FHIP2B: variants seen among roughly 807,000 people sequenced by gnomAD.
The protein encoded by FHIP2B is FHF complex subunit HOOK-interacting protein 2B.
In FHIP2B, 72 loss-of-function variants were observed where a neutral mutation model predicts 84.0. The ratio of observed to expected loss-of-function variants is 0.86; its 90% CI spans 0.71 to 1.04. The LOEUF (loss-of-function observed/expected upper bound fraction) is 1.04. Among genes scored for constraint, FHIP2B ranks in the 50% least tolerant of loss-of-function variants. The probability of loss-of-function intolerance (pLI) is 0.00; values close to 1 mark genes in which losing one functional copy is unlikely to be tolerated. For missense variants in FHIP2B, 972 were observed against 968.9 expected (o/e 1.00, Z -0.04); for synonymous variants, 497 against 418.7 (o/e 1.19, Z -2.28).
intron 1 of FHIP2B, among the ~76,000 whole-genome samples, chr8:22,091,240 C>CTTTTTTTTT (rs71204535): frequency 8.5e-6 from 1 of 117,710 alleles, no homozygotes; most frequent in African/African-American, 3.1e-5. Context: ...ATCATTACAG[C>CTTTTTTTTT]TTTTTTTTTT....
rs1211266140 is a variant in FHIP2B, at chr8:22,102,289, AG to A, written c.1968del (p.Ser657AlafsTer7). 1 of 1,612,528 alleles carries A rather than the reference AG, an allele frequency of 6.2e-7. No homozygotes were observed. Among genetic ancestry groups the A allele is most frequent in the Non-Finnish European group, 8.5e-7 (1 of 1,179,790 alleles). On this transcript the variant is annotated frameshift_variant, in exon 15 of 17. Coordinates refer to ENST00000289921, the MANE Select transcript of FHIP2B (RefSeq NM_022749.7). LOFTEE classifies it high-confidence loss of function. The stretch of plus-strand genomic sequence containing the variant: ...GTACATCAGCCTGGCCCCCGGCTGC[AG>A]GAGCCTATTCTCCGTGTTGGTGAGG... The part of the protein sequence containing the change: ...DPYISLAPGC[R>X]SLFSVLVRVI...
chr8:22,101,934 C>A, intron 14 of FHIP2B, 83 bp downstream of exon 14: 2 of 1,542,952 alleles, frequency 1.3e-6, no homozygotes, highest in South Asian at 2.4e-5. Context: ...ACAGGGTTGC[C>A]TCTGCTTCGG....
At chr8:22,091,020 C>T (rs1049275721) in intron 1 of FHIP2B, among the ~76,000 whole-genome samples, 1 of 152,028 alleles carries the variant, frequency 6.6e-6, no homozygotes, top group African/African-American at 2.4e-5. Flanking sequence ...TCTTCCGGGC[C>T]CTTTAGTATT....
intron 14 of FHIP2B, 156 bp downstream of exon 14, chr8:22,102,007 C>G: frequency 1.3e-6 from 2 of 1,507,684 alleles, no homozygotes; most frequent in Non-Finnish European, 1.8e-6. Flanking sequence ...CTGCTCCACA[C>G]GTCCTAACAC....
rs778894231 is a variant in FHIP2B at position 22,098,277 on chromosome 8, G to T, written c.735G>T (p.Leu245=). 4 of 1,519,542 alleles carry T rather than the reference G, an allele frequency of 2.6e-6. No individual in the cohort carries two copies. In the African/African-American group the frequency reaches 5.6e-5, roughly 21 times the overall value. The allele number at this position is 1,519,542 out of a possible 1,614,324, so 94.1% of individuals were successfully genotyped here. ...ACGGTGGGACCACAGAGAGCAACCT[G>T]ATTACCTCCCTGCTTGGGCTGTGCC... is the stretch of plus-strand genomic sequence containing the variant. ...ELDGGTTESN[L]ITSLLGLCQS... The change falls in exon 6 of 17, where the codon CTG becomes CTT. Residue 245 remains leucine (L), a synonymous_variant. Transcript: ENST00000289921.
intron 8 of FHIP2B, 27 bp downstream of exon 8, chr8:22,099,083 C>A: frequency 6.5e-7 from 1 of 1,546,074 alleles, no homozygotes; most frequent in Admixed American, 1.9e-5. Context: ...GGAGGCCGGG[C>A]TCTCATGCTG....
In FHIP2B at chr8:22,097,421, G is replaced by A. The variant is rs543623193; in HGVS notation, c.298-95G>A. Reference sequence around the variant, plus strand: ...AGGCATGCGGCAGGCAGGGGACACGGCTCTGACAGGCGCTCTGTCCCTGGC... The same window carrying A: ...AGGCATGCGGCAGGCAGGGGACACGACTCTGACAGGCGCTCTGTCCCTGGC... On this transcript the variant is annotated intron_variant, in intron 3 of 16. Coordinates refer to ENST00000289921, the MANE Select transcript of FHIP2B (RefSeq NM_022749.7). The A allele has an allele frequency of 1.3e-4, 112 of 870,402 alleles. 2 individuals are homozygous for A. In the South Asian group the frequency reaches 1.7e-3, roughly 13 times the overall value. The allele number at this position is 870,402 out of a possible 1,614,324, so 53.9% of individuals were successfully genotyped here.
chr8:22,094,594 A>G (rs765700543), intron 2 of FHIP2B, 76 bp downstream of exon 2: 6 of 1,592,840 alleles, frequency 3.8e-6, no homozygotes, highest in Middle Eastern at 1.7e-4. Context: ...GTCACCATTC[A>G]GGTGTCCTGG....
intron 5 of FHIP2B, 73 bp from the exon 6 acceptor site, chr8:22,097,995 A>G (rs1825874859): frequency 6.6e-7 from 1 of 1,526,570 alleles, no homozygotes; most frequent in Admixed American, 2.0e-5. Context: ...CTGGCAGCCC[A>G]CCCTGCGGTC....
At chr8:22,094,985 A>G in intron 2 of FHIP2B, 8 of 769,820 alleles carry the variant, frequency 1.0e-5, no homozygotes, top group Non-Finnish European at 1.3e-5. Context: ...GGTGGGTAAC[A>G]TGCCTGGGTC....
chr8:22,098,025 AGTG>A, intron 5 of FHIP2B, 40 bp from the exon 6 acceptor site: 1 of 1,546,902 alleles, frequency 6.5e-7, no homozygotes, highest in Non-Finnish European at 8.7e-7. Flanking sequence ...GACCCTGGGA[AGTG>A]GTCCCCACCA....
At chr8:22,102,141 C>T in intron 14 of FHIP2B, 34 bp from the exon 15 acceptor site, 7 of 1,612,982 alleles carry the variant, frequency 4.3e-6, no homozygotes, top group Non-Finnish European at 5.9e-6. Context: ...ACCAGCCCTG[C>T]CAGCCCTCGG....
At position 22,097,996 on chromosome 8, in the gene FHIP2B, C is replaced by T. The variant is rs1008417774; in HGVS notation, c.526-72C>T. 6.5e-6 allele frequency: 10 copies of T among 1,526,926 alleles called. No homozygotes were observed. The South Asian group carries it at 1.2e-4, about 18-fold the overall frequency. The allele number at this position is 1,526,926 out of a possible 1,614,324, so 94.6% of individuals were successfully genotyped here. ...AGGCCGACGCCCTGCTGGCAGCCCA[C>T]CCTGCGGTCCCAGTGGGGGACCCTG... is the stretch of plus-strand genomic sequence containing the variant. On this transcript the variant is annotated intron_variant, in intron 5 of 16. Coordinates refer to ENST00000289921, the MANE Select transcript of FHIP2B (RefSeq NM_022749.7).
chr8:22,094,474 T>TGGAGCACTGGAA lies in FHIP2B; in HGVS notation c.83_94dup (p.Glu28_Lys31dup), dbSNP rs1825659651. 1 of 1,611,494 alleles carries TGGAGCACTGGAA rather than the reference T, an allele frequency of 6.2e-7. No homozygotes were observed. The highest frequency in any genetic ancestry group is 8.5e-7 in the Non-Finnish European group (1 of 1,178,980). The stretch of plus-strand genomic sequence containing the variant: ...AGCATTGACCTGCTGCAGGCCTTCG[T>TGGAGCACTGGAA]GGAGCACTGGAAGGGCATCACGCAC... On this transcript the variant is annotated inframe_insertion, in exon 2 of 17. Transcript: ENST00000289921.
rs769014264 is a variant in FHIP2B at position 22,098,318 on chromosome 8, C to T, written c.768+8C>T. ...GGGCTGTGCCAGAGCAAGGTGCTGG[C>T]AGCAGAGATGGAGAGGTTGGGGGTG... On this transcript the variant is annotated splice_region_variant and intron_variant, in intron 6 of 16. Coordinates refer to ENST00000289921, the MANE Select transcript of FHIP2B (RefSeq NM_022749.7). 3 of 1,507,364 alleles carry T rather than the reference C, an allele frequency of 2.0e-6. No individual in the cohort carries two copies. The Admixed American group carries it at 6.4e-5, about 32-fold the overall frequency. The allele number at this position is 1,507,364 out of a possible 1,614,324, so 93.4% of individuals were successfully genotyped here.
intron 12 of FHIP2B, 167 bp downstream of exon 12, chr8:22,101,139 C>T: frequency 2.3e-6 from 2 of 855,138 alleles, no homozygotes; most frequent in South Asian, 1.8e-5. Context: ...TCCTGTGCCT[C>T]AGCCTCCCGA....
chr8:22,102,576 G>A lies in FHIP2B; in HGVS notation c.2041G>A (p.Gly681Ser), dbSNP rs3177202. The stretch of plus-strand genomic sequence containing the variant: ...AATCCAGAGGGTACCCCAGTTCCCA[G>A]GCAAGCTGCTCCTGGTGCGCAAGCA... ...QRIQRVPQFP[G>S]KLLLVRKQLT... The change falls in exon 16 of 17, where the codon GGC (glycine) becomes AGC (serine). Residue 681 changes from glycine to serine, a missense_variant. Gly to Ser is a moderately conservative substitution (Grantham distance 56). Transcript: ENST00000289921. 6.4e-7 allele frequency: 1 copy of A among 1,564,728 alleles called. No homozygotes were observed. Among genetic ancestry groups the A allele is most frequent in the South Asian group, 1.2e-5 (1 of 84,964 alleles).
Position 22,100,585 on chromosome 8 carries a change from C to G in FHIP2B, c.1342-9C>G. 1 of 1,530,394 alleles carries G rather than the reference C, an allele frequency of 6.5e-7. No homozygotes were observed. 94.8% of individuals were successfully genotyped at this position (1,530,394 alleles called of 1,614,324 possible). On this transcript the variant is annotated splice_polypyrimidine_tract_variant and intron_variant, in intron 10 of 16. Coordinates refer to ENST00000289921, the MANE Select transcript of FHIP2B (RefSeq NM_022749.7). Reference sequence around the variant, plus strand: ...AGGGGCTATCCTGCCGACCCCCTTCCTGCTCCAGATCAGCATCACCACACT... The same window carrying G: ...AGGGGCTATCCTGCCGACCCCCTTCGTGCTCCAGATCAGCATCACCACACT...
Position 22,097,504 on chromosome 8 carries a change from C to G in FHIP2B, c.298-12C>G. 1.3e-6 allele frequency: 2 copies of G among 1,593,286 alleles called. No individual in the cohort carries two copies. Among genetic ancestry groups the G allele is most frequent in the Non-Finnish European group, 8.5e-7 (1 of 1,171,220 alleles). On this transcript the variant is annotated splice_polypyrimidine_tract_variant and intron_variant, in intron 3 of 16. Coordinates refer to ENST00000289921, the MANE Select transcript of FHIP2B (RefSeq NM_022749.7). ...GACACGGCTCTGACAGGCGCTCTGT[C>G]CCTGGCCTCAGTACCCCCCAGGCAT... is the stretch of plus-strand genomic sequence containing the variant.
Sources: allele counts gnomAD v4.1 joint callset (sites outside exome capture counted in the v4.1 genomes callset), GRCh38; gene constraint gnomAD v4.1.1; transcripts MANE v1.5; gene names NCBI Gene and HGNC (gene_info 2026-07-23, HGNC 2026-07-21).